Variants in OPRD1 observed in about 807,000 individuals in gnomAD.
OPRD1 encodes the protein delta-type opioid receptor.
In OPRD1, 19 loss-of-function variants were observed where a neutral mutation model predicts 17.5. The ratio of observed to expected loss-of-function variants is 1.09; its 90% CI spans 0.76 to 1.60. The LOEUF is 1.60. OPRD1 is among the 40% of genes most tolerant of loss of function. OPRD1 has a pLI of 0.00. For missense variants in OPRD1, 483 were observed against 547.2 expected, an observed-to-expected ratio of 0.88 and a Z score of 1.17; for synonymous variants, 256 against 240.9, an observed-to-expected ratio of 1.06 and a Z score of -0.58.
chr1:28,828,618 C>G (rs1344578707), intron 1 of OPRD1, among the ~76,000 whole-genome samples: 2 of 145,816 alleles, frequency 1.4e-5, no homozygotes, highest in Non-Finnish European at 3.0e-5. Flanking sequence ...CTCAGAAGTT[C>G]GAAGCTGCAC....
At chr1:28,836,540 GTT>G (rs2088855210) in intron 1 of OPRD1, among the ~76,000 whole-genome samples, 1 of 151,286 alleles carries the variant, frequency 6.6e-6, no homozygotes, top group Non-Finnish European at 1.5e-5. Flanking sequence ...ACATTTCACA[GTT>G]CAGGAGGCTA....
chr1:28,832,573 C>G (rs1004447251), intron 1 of OPRD1, among the ~76,000 whole-genome samples: 4 of 151,678 alleles, frequency 2.6e-5, no homozygotes, highest in Non-Finnish European at 4.4e-5. Flanking sequence ...GCTGTGATTG[C>G]GCCACTGCAC....
Position 28,867,522 on chromosome 1 carries a change from A to G in OPRD1, c.*4239A>G, listed in dbSNP as rs1412130552. The stretch of plus-strand genomic sequence containing the variant: ...GCCCGGCCAATTTTTTTTTTTTTCA[A>G]TAGAGACCAGAGTGTCTCTGTGTTG... On this transcript the variant is annotated 3_prime_UTR_variant, in exon 3 of 3. Transcript: ENST00000234961. 1 of 151,466 alleles carries G rather than the reference A, an allele frequency of 6.6e-6. No homozygotes were observed. The highest frequency in any genetic ancestry group is 1.5e-5 in the Non-Finnish European group (1 of 67,914). 9.4% of individuals were successfully genotyped at this position (151,466 alleles called of 1,614,324 possible).
chr1:28,851,124 A>G (rs755737216), intron 1 of OPRD1, among the ~76,000 whole-genome samples: 1 of 152,114 alleles, frequency 6.6e-6, no homozygotes, highest in Non-Finnish European at 1.5e-5. Flanking sequence ...AAAGAAATGA[A>G]AAAGAGCCAC....
intron 1 of OPRD1, among the ~76,000 whole-genome samples, chr1:28,855,068 AAAG>A (rs1284761507): frequency 6.6e-6 from 1 of 152,184 alleles, no homozygotes; most frequent in Non-Finnish European, 1.5e-5. Context: ...AGTGGGCAGA[AAAG>A]AAGATGAATG....
intron 1 of OPRD1, among the ~76,000 whole-genome samples, chr1:28,851,659 G>A (rs2089003716): frequency 6.7e-6 from 1 of 148,260 alleles, no homozygotes; most frequent in Non-Finnish European, 1.5e-5. Context: ...ATCACCTGAG[G>A]TTGGGAGTTC....
chr1:28,864,540 G>T lies in OPRD1; in HGVS notation c.*1257G>T, dbSNP rs1392858441. 6.6e-6 allele frequency: 1 copy of T among 151,994 alleles called. No individual in the cohort carries two copies. The highest frequency in any genetic ancestry group is 2.4e-5 in the African/African-American group (1 of 41,354). 9.4% of individuals were successfully genotyped at this position (151,994 alleles called of 1,614,324 possible). A position where few individuals can be genotyped will look rare whatever the true frequency, so the allele number is the denominator to read the frequency against. On this transcript the variant is annotated 3_prime_UTR_variant, in exon 3 of 3. Transcript: ENST00000234961. ...AGGAGAAGGCTTCCAAAACCAGTTC[G>T]AAAACCCAGACCCGGAGTGGACCTC...
At chr1:28,848,978 C>G (rs761048630) in intron 1 of OPRD1, among the ~76,000 whole-genome samples, 4 of 152,192 alleles carry the variant, frequency 2.6e-5, no homozygotes, top group Non-Finnish European at 5.9e-5. Context: ...GTATCCTGCA[C>G]AACCAGATGG....
In OPRD1 at chr1:28,862,978, G is replaced by A; in HGVS notation, c.814G>A (p.Val272Met). The A allele has an allele frequency of 6.2e-7, 1 of 1,611,308 alleles. No individual in the cohort carries two copies. The highest frequency in any genetic ancestry group is 2.2e-5 in the East Asian group (1 of 44,792). ...MVLVVVGAFV[V>M]CWAPIHIFVI... is the part of the protein sequence containing the mutation. ...GCTGGTGGTTGTGGGCGCCTTCGTG[G>A]TGTGTTGGGCGCCCATCCACATCTT... is the stretch of plus-strand genomic sequence containing the variant. The change falls in exon 3 of 3, where the codon GTG (valine) becomes ATG (methionine). Residue 272 changes from valine (V) to methionine (M), a missense_variant. By Grantham distance (21) the Val-to-Met change is conservative. Transcript: ENST00000234961.
At chr1:28,840,642 C>T (rs1335305644) in intron 1 of OPRD1, among the ~76,000 whole-genome samples, 1 of 152,106 alleles carries the variant, frequency 6.6e-6, no homozygotes, top group Non-Finnish European at 1.5e-5. Flanking sequence ...AAATACGGGG[C>T]CAGGCGTGGT....
intron 1 of OPRD1, among the ~76,000 whole-genome samples, chr1:28,825,710 G>T (rs2088762002): frequency 1.3e-5 from 2 of 152,346 alleles, no homozygotes; most frequent in South Asian, 4.1e-4. Flanking sequence ...ACACAGGGCA[G>T]CCTGGCCTAG....
chr1:28,861,140 T>A (rs571992617), intron 2 of OPRD1, among the ~76,000 whole-genome samples: 1 of 152,304 alleles, frequency 6.6e-6, no homozygotes, highest in East Asian at 1.9e-4. Context: ...CTAGGGGTCC[T>A]GCCAGCCTGA....
intron 1 of OPRD1, among the ~76,000 whole-genome samples, chr1:28,841,598 C>A (rs997262194): frequency 3.3e-5 from 5 of 152,192 alleles, no homozygotes; most frequent in African/African-American, 1.2e-4. Flanking sequence ...TTAAAGGAAA[C>A]AACTCACCCA....
At chr1:28,813,404 CA>C (rs2088648667) in intron 1 of OPRD1, among the ~76,000 whole-genome samples, 1 of 152,216 alleles carries the variant, frequency 6.6e-6, no homozygotes, top group Non-Finnish European at 1.5e-5. Flanking sequence ...GCCCTCCTCA[CA>C]AATGCCCTCT....
chr1:28,824,212 A>T (rs2088742935), intron 1 of OPRD1, among the ~76,000 whole-genome samples: 1 of 150,382 alleles, frequency 6.6e-6, no homozygotes, highest in Non-Finnish European at 1.5e-5. Context: ...CATTCAAAGA[A>T]CACCACACAG....
chr1:28,852,412 A>T (rs2298895), intron 1 of OPRD1, among the ~76,000 whole-genome samples: 8,638 of 152,244 alleles, frequency 0.057, 257 homozygotes, highest in South Asian at 0.087. Context: ...TGCACTAAAA[A>T]ATGTAATTAT....
At chr1:28,845,024 T>A (rs1244845691) in intron 1 of OPRD1, among the ~76,000 whole-genome samples, 1 of 152,006 alleles carries the variant, frequency 6.6e-6, no homozygotes, top group Non-Finnish European at 1.5e-5. Flanking sequence ...GGGATGATAG[T>A]GTCATTTGAG....
chr1:28,867,814 T>G lies in OPRD1; in HGVS notation c.*4531T>G, dbSNP rs1472305982. ...GCCCAGAACGTAAGTAAACTCTAAG[T>G]ACATGGTAAGTGGCAGTCACTGCTT... is the stretch of plus-strand genomic sequence containing the variant. On this transcript the variant is annotated 3_prime_UTR_variant, in exon 3 of 3. Coordinates refer to ENST00000234961, the MANE Select transcript of OPRD1 (RefSeq NM_000911.4). The G allele has an allele frequency of 6.6e-6, 1 of 152,444 alleles. No individual in the cohort carries two copies. Among genetic ancestry groups the G allele is most frequent in the Middle Eastern group, 3.4e-3 (1 of 296 alleles). The allele number at this position is 152,444 out of a possible 1,614,324, so 9.4% of individuals were successfully genotyped here. A position where few individuals can be genotyped will look rare whatever the true frequency, so the allele number is the denominator to read the frequency against.
At chr1:28,862,209 A>C (rs911992746) in intron 2 of OPRD1, among the ~76,000 whole-genome samples, 1 of 151,746 alleles carries the variant, frequency 6.6e-6, no homozygotes, top group Non-Finnish European at 1.5e-5. Flanking sequence ...GAACTACCGC[A>C]CCTGTCCGCC....
Sources: gnomAD v4.1 joint callset for allele counts (sites outside exome capture counted in the v4.1 genomes callset) on GRCh38, gnomAD v4.1.1 for gene constraint, MANE v1.5 for transcripts, NCBI Gene and HGNC (gene_info 2026-07-23, HGNC 2026-07-21) for gene names.